YIPF1: variants seen among roughly 807,000 people sequenced by gnomAD.
YIPF1 encodes the protein protein YIPF1.
A neutral mutation model predicts 37.0 loss-of-function variants in YIPF1; 22 were observed. The observed-to-expected ratio is 0.59, with a 90% confidence interval of 0.42 to 0.85. The LOEUF is 0.85. YIPF1 is among the 40% of genes least tolerant of loss of function. YIPF1 has a pLI of 0.00. For missense variants in YIPF1, 355 were observed against 373.1 expected (o/e 0.95, Z 0.40); for synonymous variants, 128 against 131.9 (o/e 0.97, Z 0.21).
chr1:53,876,650 G>A (rs767510644), intron 6 of YIPF1, among the ~76,000 whole-genome samples: 4 of 152,196 alleles, frequency 2.6e-5, no homozygotes, highest in Non-Finnish European at 4.4e-5. Context: ...TTTGAAAATT[G>A]AGCCCAGCAC....
intron 8 of YIPF1, among the ~76,000 whole-genome samples, 155 bp from the exon 9 acceptor site, chr1:53,866,537 T>C (rs946645158): frequency 2.0e-5 from 3 of 152,082 alleles, no homozygotes; most frequent in Non-Finnish European, 4.4e-5. Flanking sequence ...CACCAGCATG[T>C]AGACTGAGGC....
chr1:53,866,931 A>G lies in YIPF1; in HGVS notation c.482-7T>C. 14 of 1,603,454 alleles carry G rather than the reference A, an allele frequency of 8.7e-6. No homozygotes were observed. The highest frequency in any genetic ancestry group is 1.1e-5 in the Non-Finnish European group (13 of 1,175,678). On this transcript the variant is annotated splice_polypyrimidine_tract_variant and splice_region_variant and intron_variant, in intron 7 of 10. Transcript: ENST00000072644. ...ATGGTAGCTGCTATGGACACTGAGG[A>G]TGACAGGACACAAGTTTCAATCTCC...
intron 10 of YIPF1, among the ~76,000 whole-genome samples, chr1:53,859,230 G>C (rs558887410): frequency 2.0e-5 from 3 of 152,308 alleles, no homozygotes; most frequent in African/African-American, 7.2e-5. Context: ...GTAGTATACA[G>C]TGGACAAATG....
At chr1:53,872,761 G>A (rs1414700151) in intron 6 of YIPF1, among the ~76,000 whole-genome samples, 5 of 152,154 alleles carry the variant, frequency 3.3e-5, no homozygotes, top group Non-Finnish European at 7.3e-5. Flanking sequence ...GCCCCTGAAG[G>A]TGGGAAAAGG....
intron 9 of YIPF1, among the ~76,000 whole-genome samples, chr1:53,861,639 GGGAA>G (rs982973579): frequency 4.4e-4 from 64 of 146,006 alleles, no homozygotes; most frequent in East Asian, 2.2e-3. Flanking sequence ...AAGGCAGGCA[GGGAA>G]GGAAGGAAGG....
In YIPF1 at chr1:53,852,096, T is replaced by G. The variant is rs1267142972; in HGVS notation, c.*183A>C. On this transcript the variant is annotated 3_prime_UTR_variant, in exon 11 of 11. Transcript: ENST00000072644. ...TGAAAAGGAAGAGCTGAAAGACACA[T>G]GTGCTGAGCAACATTTAATTTCTGC... 6.6e-6 allele frequency: 1 copy of G among 152,196 alleles called. No individual in the cohort carries two copies. Among genetic ancestry groups the G allele is most frequent in the Non-Finnish European group, 1.5e-5 (1 of 68,032 alleles). 9.4% of individuals were successfully genotyped at this position (152,196 alleles called of 1,614,324 possible).
At chr1:53,869,181 C>CACAT (rs1311352841) in intron 7 of YIPF1, among the ~76,000 whole-genome samples, 321 of 152,056 alleles carry the variant, frequency 2.1e-3, no homozygotes, top group African/African-American at 7.4e-3. Context: ...CACACACACA[C>CACAT]ACACACACAG....
chr1:53,861,050 T>C (rs942334165), intron 9 of YIPF1, among the ~76,000 whole-genome samples: 1 of 152,228 alleles, frequency 6.6e-6, no homozygotes, highest in African/African-American at 2.4e-5. Context: ...TCACCAGCTC[T>C]GCTCTCTATC....
chr1:53,874,999 G>A (rs10888813), intron 6 of YIPF1, among the ~76,000 whole-genome samples: 64,755 of 151,844 alleles, frequency 0.43, 14,480 homozygotes, highest in East Asian at 0.57. Context: ...TGCTACAGTG[G>A]ATAATATTCT....
chr1:53,852,711 G>A (rs374871923), intron 10 of YIPF1, among the ~76,000 whole-genome samples: 4 of 152,012 alleles, frequency 2.6e-5, no homozygotes, highest in Non-Finnish European at 4.4e-5. Context: ...ATATGAGGCA[G>A]GACAAATAAA....
chr1:53,870,153 C>T (rs1217394522), intron 7 of YIPF1, among the ~76,000 whole-genome samples: 4 of 136,076 alleles, frequency 2.9e-5, no homozygotes, highest in Non-Finnish European at 6.1e-5. Flanking sequence ...GCCACCGCAC[C>T]GGGTCTCTTT....
chr1:53,864,624 G>C (rs769523886), intron 9 of YIPF1, among the ~76,000 whole-genome samples: 1 of 152,098 alleles, frequency 6.6e-6, no homozygotes, highest in Non-Finnish European at 1.5e-5. Context: ...CCTGACCAAG[G>C]GTCTGGAAAC....
rs1473592743 is a variant in YIPF1, at chr1:53,873,512, GGGC to G, written c.365-2027_365-2025del. 2.0e-4 allele frequency among the ~76,000 whole-genome samples: 30 copies of G among 152,260 alleles called. No individual in the cohort carries two copies. In the East Asian group the frequency reaches 5.6e-3, roughly 28 times the overall value. On this transcript the variant is annotated intron_variant, in intron 6 of 10. Transcript: ENST00000072644. ...CTGTTGAGTTAGGAATTTATCTTGA[GGGC>G]AACAGGAAGCCTGTGAATTGGGCCT...
chr1:53,865,414 A>C (rs1451473601), intron 9 of YIPF1, among the ~76,000 whole-genome samples: 1 of 152,218 alleles, frequency 6.6e-6, no homozygotes, highest in Non-Finnish European at 1.5e-5. Context: ...CAATAAAAAT[A>C]ATACACATTT....
At chr1:53,879,595 T>A (rs1650432626) in intron 4 of YIPF1, among the ~76,000 whole-genome samples, 1 of 152,164 alleles carries the variant, frequency 6.6e-6, no homozygotes, top group Non-Finnish European at 1.5e-5. Context: ...GCAGAATGCA[T>A]GCCCAATGCC....
At chr1:53,861,833 G>T (rs1310323610) in intron 9 of YIPF1, among the ~76,000 whole-genome samples, 2 of 152,160 alleles carry the variant, frequency 1.3e-5, no homozygotes, top group African/African-American at 2.4e-5. Flanking sequence ...GGCAAACATG[G>T]TGAAACCCCA....
chr1:53,884,241 A>AAAAAAC (rs1198623027), intron 3 of YIPF1, among the ~76,000 whole-genome samples: 6 of 151,418 alleles, frequency 4.0e-5, no homozygotes, highest in African/African-American at 1.2e-4. Flanking sequence ...TCTCAAAAAA[A>AAAAAAC]AAAAAAAAAA....
At chr1:53,878,495 A>G (rs922902274) in intron 5 of YIPF1, 93 bp from the exon 6 acceptor site, 79 of 1,494,562 alleles carry the variant, frequency 5.3e-5, no homozygotes, top group Non-Finnish European at 6.4e-5. Context: ...TAGAGCTTTT[A>G]TGATAGTATT....
intron 9 of YIPF1, among the ~76,000 whole-genome samples, chr1:53,862,342 G>C (rs1014462375): frequency 1.3e-5 from 2 of 152,122 alleles, no homozygotes; most frequent in East Asian, 3.9e-4. Context: ...TTGGCACCTA[G>C]TCTATGTCCG....
Sources: allele counts gnomAD v4.1 joint callset (sites outside exome capture counted in the v4.1 genomes callset), GRCh38; gene constraint gnomAD v4.1.1; transcripts MANE v1.5; gene names NCBI Gene and HGNC (gene_info 2026-07-23, HGNC 2026-07-21).